The following IL1RAPL1 variants were observed in gnomAD, a reference collection of about 807,000 sequenced individuals.
The protein encoded by IL1RAPL1 is interleukin-1 receptor accessory protein-like 1.
Under a neutral mutation model 48.4 loss-of-function variants are expected in IL1RAPL1, and 3 were observed. The observed-to-expected ratio is 0.06, with a 90% confidence interval of 0.03 to 0.16. The LOEUF is 0.16. Ranked by LOEUF, IL1RAPL1 falls within the 10% of genes least tolerant of loss-of-function variation. The pLI is 1.00. For synonymous variants in IL1RAPL1, 185 were observed against 187.7 expected (o/e 0.99, Z 0.12); for missense variants, 349 against 530.6 (o/e 0.66, Z 3.36).
chrX:29,438,433 C>T (rs185147394), intron 5 of IL1RAPL1, among the ~76,000 whole-genome samples: 101 of 110,782 alleles, frequency 9.1e-4, no homozygotes, highest in African/African-American at 3.2e-3. Context: ...TTGGGTTCAT[C>T]GTGCTTTTTC....
chrX:29,489,164 A>T (rs1935129030), intron 5 of IL1RAPL1, among the ~76,000 whole-genome samples: 1 of 111,119 alleles, frequency 9.0e-6, no homozygotes, highest in Admixed American at 9.6e-5. Context: ...GTATGTGACT[A>T]CCTCCTCATC....
rs778661009 is a variant in IL1RAPL1 at position 29,668,427 on chromosome X, C to T, written c.704-3C>T. 8.3e-7 allele frequency: 1 copy of T among 1,201,431 alleles called. No homozygotes were observed. Among genetic ancestry groups the T allele is most frequent in the East Asian group, 3.0e-5 (1 of 33,776 alleles). On this transcript the variant is annotated splice_region_variant and splice_polypyrimidine_tract_variant and intron_variant, in intron 5 of 10. Transcript: ENST00000378993. ...CTGTATTATTATTGTTGTTGTTTTT[C>T]AGCCCCTCTGACTGATAAGCCACCC...
At chrX:29,492,102 A>G (rs1569323096) in intron 5 of IL1RAPL1, among the ~76,000 whole-genome samples, 1 of 112,018 alleles carries the variant, frequency 8.9e-6, no homozygotes, top group Non-Finnish European at 1.9e-5. Flanking sequence ...CTTAACATCA[A>G]ATCCTCTACT....
At chrX:29,650,517 C>T (rs1165927815) in intron 5 of IL1RAPL1, among the ~76,000 whole-genome samples, 4 of 107,985 alleles carry the variant, frequency 3.7e-5, no homozygotes, top group African/African-American at 1.3e-4. Context: ...CAAGAATACA[C>T]AATGGGGAAA....
In IL1RAPL1 at chrX:29,635,052, CAA is replaced by C. The variant is rs771608649; in HGVS notation, c.704-33376_704-33375del. ...TCCCCCAGAAGGTAGAATAAATTAT[CAA>C]AGAGATGACAAGATTTTTTTCAAAG... On this transcript the variant is annotated intron_variant, in intron 5 of 10. Transcript: ENST00000378993. Among the ~76,000 whole-genome samples the C allele has an allele frequency of 3.7e-4, 41 of 110,471 alleles. 1 individual carries two copies. Among genetic ancestry groups the C allele is most frequent in the African/African-American group, 1.3e-3 (39 of 30,411 alleles).
At chrX:28,839,254 A>T (rs1921302212) in intron 2 of IL1RAPL1, among the ~76,000 whole-genome samples, 1 of 111,175 alleles carries the variant, frequency 9.0e-6, no homozygotes, top group East Asian at 2.8e-4. Flanking sequence ...TAACATTGAA[A>T]TTTGACCTTC....
intron 2 of IL1RAPL1, among the ~76,000 whole-genome samples, chrX:29,241,607 A>G (rs1174743806): frequency 2.7e-5 from 3 of 111,489 alleles, no homozygotes; most frequent in Admixed American, 9.6e-5. Flanking sequence ...TTGCTACCAC[A>G]ATTGTTGGAA....
chrX:28,892,646 C>T (rs113088032), intron 2 of IL1RAPL1, among the ~76,000 whole-genome samples: 94 of 109,733 alleles, frequency 8.6e-4, no homozygotes, highest in Non-Finnish European at 1.6e-3. Context: ...CGAAAATTTT[C>T]GTGGTGGTGT....
At chrX:29,674,115 G>GA (rs979912767) in intron 6 of IL1RAPL1, among the ~76,000 whole-genome samples, 2 of 111,295 alleles carry the variant, frequency 1.8e-5, no homozygotes, top group African/African-American at 6.6e-5. Flanking sequence ...CGTAGAAGTT[G>GA]AAATTCCTTT....
chrX:29,769,106 A>G (rs958520998), intron 6 of IL1RAPL1, among the ~76,000 whole-genome samples: 2 of 111,547 alleles, frequency 1.8e-5, no homozygotes, highest in African/African-American at 6.5e-5. Flanking sequence ...CCCATTCCAT[A>G]TATTTCATAG....
At chrX:29,145,697 G>A (rs183545377) in intron 2 of IL1RAPL1, among the ~76,000 whole-genome samples, 2 of 111,707 alleles carry the variant, frequency 1.8e-5, no homozygotes, top group East Asian at 5.6e-4. Context: ...GCTCTGGATT[G>A]TCCCCCAAAA....
intron 6 of IL1RAPL1, among the ~76,000 whole-genome samples, chrX:29,789,581 ATTTG>A (rs1290960104): frequency 2.7e-5 from 3 of 111,387 alleles, no homozygotes; most frequent in African/African-American, 9.8e-5. Flanking sequence ...GAAAAATTCA[ATTTG>A]TTTGTTTTTT....
chrX:29,700,749 G>T (rs1927029320), intron 6 of IL1RAPL1, among the ~76,000 whole-genome samples: 1 of 111,600 alleles, frequency 9.0e-6, no homozygotes, highest in African/African-American at 3.3e-5. Context: ...GTCAGGAGTT[G>T]TGAGGGATTG....
intron 6 of IL1RAPL1, among the ~76,000 whole-genome samples, chrX:29,685,722 C>T (rs1429808517): frequency 9.1e-6 from 1 of 110,454 alleles, no homozygotes; most frequent in Non-Finnish European, 1.9e-5. Flanking sequence ...TGCGGTGGCT[C>T]ACACCTGTAA....
At chrX:28,725,973 G>GT (rs1239755897) in intron 1 of IL1RAPL1, among the ~76,000 whole-genome samples, 2 of 112,380 alleles carry the variant, frequency 1.8e-5, no homozygotes, top group Admixed American at 1.9e-4. Context: ...GGATGGTTAA[G>GT]TTTTTCTGAA....
intron 3 of IL1RAPL1, among the ~76,000 whole-genome samples, chrX:29,334,878 G>A (rs752322812): frequency 8.9e-6 from 1 of 112,945 alleles, no homozygotes; most frequent in South Asian, 3.6e-4. Flanking sequence ...CGGGTTGGCG[G>A]CTGGGCAGAG....
intron 5 of IL1RAPL1, among the ~76,000 whole-genome samples, chrX:29,598,092 T>C (rs986315085): frequency 1.8e-5 from 2 of 112,021 alleles, no homozygotes; most frequent in African/African-American, 6.5e-5. Context: ...TTCTTGCTTC[T>C]CCAGTTCCTT....
At chrX:28,640,568 C>G (rs777231272) in intron 1 of IL1RAPL1, among the ~76,000 whole-genome samples, 7 of 109,015 alleles carry the variant, frequency 6.4e-5, no homozygotes, top group Non-Finnish European at 1.1e-4. Context: ...CCAGGCTGGT[C>G]TCAAACTCCT....
chrX:29,379,110 C>T (rs1310387518), intron 3 of IL1RAPL1, among the ~76,000 whole-genome samples: 4 of 112,440 alleles, frequency 3.6e-5, no homozygotes, highest in Admixed American at 9.4e-5. Flanking sequence ...AGGACTGGCT[C>T]GCAGCTCTAT....
Sources: gnomAD v4.1 joint callset for allele counts (sites outside exome capture counted in the v4.1 genomes callset) on GRCh38, gnomAD v4.1.1 for gene constraint, MANE v1.5 for transcripts, NCBI Gene and HGNC (gene_info 2026-07-23, HGNC 2026-07-21) for gene names.